Variants in SAMD12 observed in about 807,000 individuals in gnomAD.
The protein encoded by SAMD12 is sterile alpha motif domain-containing protein 12.
A neutral mutation model predicts 15.0 loss-of-function variants in SAMD12; 9 were observed. The ratio of observed to expected loss-of-function variants is 0.60; its 90% CI spans 0.36 to 1.05. SAMD12 has a LOEUF of 1.05. Ranked by LOEUF, SAMD12 falls within the 50% of genes least tolerant of loss-of-function variation. SAMD12 has a pLI of 0.01. For missense variants in SAMD12, 230 were observed against 234.2 expected, an observed-to-expected ratio of 0.98 and a Z score of 0.12; for synonymous variants, 86 against 90.1, an observed-to-expected ratio of 0.96 and a Z score of 0.25.
intron 2 of SAMD12, among the ~76,000 whole-genome samples, chr8:118,499,443 C>T (rs1485066914): frequency 6.6e-6 from 1 of 152,218 alleles, no homozygotes; most frequent in African/African-American, 2.4e-5. Flanking sequence ...CTATTTCCAG[C>T]TCCAAGACTT....
At chr8:118,277,941 A>G in intron 4 of SAMD12, among the ~76,000 whole-genome samples, 1 of 152,172 alleles carries the variant, frequency 6.6e-6, no homozygotes, top group Non-Finnish European at 1.5e-5. Flanking sequence ...ACAGCAAACA[A>G]TGTAGTTATT....
chr8:118,580,519 G>A (rs751624220), intron 2 of SAMD12, among the ~76,000 whole-genome samples, 196 bp downstream of exon 2: 3 of 152,066 alleles, frequency 2.0e-5, no homozygotes, highest in Non-Finnish European at 4.4e-5. Context: ...GGCCACAAAC[G>A]TGTTTCAATT....
chr8:118,597,439 C>A (rs949105518), intron 1 of SAMD12, among the ~76,000 whole-genome samples: 4 of 152,180 alleles, frequency 2.6e-5, no homozygotes, highest in African/African-American at 9.7e-5. Context: ...TTTAGAGAAA[C>A]AGATGTTTGA....
intron 4 of SAMD12, among the ~76,000 whole-genome samples, chr8:118,307,723 A>G (rs1461245878): frequency 6.6e-6 from 1 of 152,156 alleles, no homozygotes; most frequent in Non-Finnish European, 1.5e-5. Flanking sequence ...TGTGCTAAAT[A>G]CATTCTGTTT....
At chr8:118,188,023 G>A (rs959772528), downstream of SAMD12, among the ~76,000 whole-genome samples, 4 of 151,034 alleles carry the variant, frequency 2.6e-5, no homozygotes, top group African/African-American at 9.8e-5. Flanking sequence ...GAAGGAGAAG[G>A]GTAAATGGGT....
At chr8:118,472,864 G>A (rs1176112569) in intron 2 of SAMD12, among the ~76,000 whole-genome samples, 1 of 140,588 alleles carries the variant, frequency 7.1e-6, no homozygotes, top group Non-Finnish European at 1.5e-5. Flanking sequence ...CACAGCTATT[G>A]CCTTGCTGTA....
At chr8:118,154,245 G>A in the SAMD12 span, among the ~76,000 whole-genome samples, 2 of 151,988 alleles carry the variant, frequency 1.3e-5, no homozygotes, top group Admixed American at 6.6e-5. Context: ...CCTTTTCAGC[G>A]TCATTTCGTT....
intron 3 of SAMD12, among the ~76,000 whole-genome samples, chr8:118,430,983 A>G (rs986624457): frequency 2.6e-5 from 4 of 151,876 alleles, no homozygotes; most frequent in Non-Finnish European, 4.4e-5. Flanking sequence ...ACCTTTTCTG[A>G]TTTTAACTGA....
intron 3 of SAMD12, among the ~76,000 whole-genome samples, chr8:118,424,526 A>G (rs1276217288): frequency 1.3e-5 from 2 of 152,180 alleles, no homozygotes; most frequent in Admixed American, 1.3e-4. Context: ...TAGGTATCAA[A>G]GATATGAAGC....
chr8:118,572,566 T>A (rs1827042633), intron 2 of SAMD12, among the ~76,000 whole-genome samples: 1 of 151,596 alleles, frequency 6.6e-6, no homozygotes, highest in Non-Finnish European at 1.5e-5. Context: ...GCTGTTCTCA[T>A]GACAGAGAAT....
intron 4 of SAMD12, among the ~76,000 whole-genome samples, chr8:118,250,260 C>A (rs1358533963): frequency 6.6e-6 from 1 of 152,082 alleles, no homozygotes; most frequent in Non-Finnish European, 1.5e-5. Flanking sequence ...TCATCAAATA[C>A]CAGCTTACCA....
chr8:118,602,121 C>T (rs553103367), intron 1 of SAMD12, among the ~76,000 whole-genome samples: 30 of 152,266 alleles, frequency 2.0e-4, no homozygotes, highest in African/African-American at 6.5e-4. Flanking sequence ...AATAATACCT[C>T]CTAACTGCCA....
rs546450885 is a variant in SAMD12 at position 118,510,135 on chromosome 8, T to C, written c.193-70174A>G. Among the ~76,000 whole-genome samples, 51 of 152,274 alleles carry C rather than the reference T, an allele frequency of 3.3e-4. 1 individual carries two copies. The highest frequency in any genetic ancestry group is 1.2e-3 in the African/African-American group (50 of 41,550). On this transcript the variant is annotated intron_variant, in intron 2 of 3. Coordinates refer to ENST00000314727, the MANE Select transcript of SAMD12 (RefSeq NM_207506.3). ...GTGCTAGGCTAATACTTTAGAATCA[T>C]CAGTAATCTTTTAAAACAGTTGTTC...
chr8:118,579,925 T>C (rs771652256), intron 2 of SAMD12, among the ~76,000 whole-genome samples: 2 of 152,144 alleles, frequency 1.3e-5, no homozygotes, highest in African/African-American at 4.8e-5. Context: ...GCCAGTCCCA[T>C]TGTAGGGAGC....
chr8:118,181,996 C>A, the SAMD12 span, among the ~76,000 whole-genome samples: 1 of 152,200 alleles, frequency 6.6e-6, no homozygotes, highest in Admixed American at 6.5e-5. Flanking sequence ...TAAACTGAGA[C>A]CACATTATTT....
chr8:118,170,967 A>C, the SAMD12 span, among the ~76,000 whole-genome samples: 1 of 152,326 alleles, frequency 6.6e-6, no homozygotes, highest in South Asian at 2.1e-4. Context: ...AAGAATTCTG[A>C]CTACTCAATA....
Position 118,195,416 on chromosome 8 carries a change from T to A in SAMD12, c.*2294A>T, listed in dbSNP as rs557448827. 3 of 152,338 alleles carry A rather than the reference T, an allele frequency of 2.0e-5. No homozygotes were observed. The East Asian group carries it at 5.8e-4, about 29-fold the overall frequency. The allele number at this position is 152,338 out of a possible 1,614,324, so 9.4% of individuals were successfully genotyped here. A position where few individuals can be genotyped will look rare whatever the true frequency, so the allele number is the denominator to read the frequency against. ...GCGTAGTGGTGAATGGTTGTGCCTA[T>A]ATAAAGAAAGGGAATATAGGTAGCC... On this transcript the variant is annotated 3_prime_UTR_variant, in exon 5 of 5. Coordinates refer to the SAMD12 transcript ENST00000409003.
intron 4 of SAMD12, among the ~76,000 whole-genome samples, chr8:118,237,350 T>C (rs1236816181): frequency 1.3e-5 from 2 of 152,216 alleles, no homozygotes; most frequent in East Asian, 3.8e-4. Flanking sequence ...CAGCCCTCTA[T>C]GTATCAGCTG....
chr8:118,326,206 C>T (rs747767253), intron 4 of SAMD12, among the ~76,000 whole-genome samples: 1 of 152,120 alleles, frequency 6.6e-6, no homozygotes, highest in Non-Finnish European at 1.5e-5. Flanking sequence ...TAATGCCTGC[C>T]AATCCATTGC....
Sources: allele counts gnomAD v4.1 joint callset (sites outside exome capture counted in the v4.1 genomes callset), GRCh38; gene constraint gnomAD v4.1.1; transcripts MANE v1.5; gene names NCBI Gene and HGNC (gene_info 2026-07-23, HGNC 2026-07-21).